The following SLC38A1 variants were observed in gnomAD, a reference collection of about 807,000 sequenced individuals.
SLC38A1 encodes sodium-coupled neutral amino acid symporter 1.
SLC38A1 carries 18 observed loss-of-function variants against 60.3 expected under a neutral mutation model. That is an observed-to-expected ratio of 0.30 (90% CI 0.21 to 0.44). The LOEUF (loss-of-function observed/expected upper bound fraction) is 0.44, where lower values mean the gene tolerates loss of function less well. Among genes scored for constraint, SLC38A1 ranks in the 20% least tolerant of loss-of-function variants. The pLI, the probability that SLC38A1 is intolerant of heterozygous loss-of-function variation, is 1.00. For missense variants in SLC38A1, 448 were observed against 587.2 expected, an observed-to-expected ratio of 0.76 and a Z score of 2.45; for synonymous variants, 196 against 212.1, an observed-to-expected ratio of 0.92 and a Z score of 0.66.
At chr12:46,196,405 C>T (rs539748075) in intron 16 of SLC38A1, 3 of 1,262,824 alleles carry the variant, frequency 2.4e-6, no homozygotes, top group Non-Finnish European at 3.2e-6. Flanking sequence ...GAAGACCCTA[C>T]TACTAGTTTC....
In SLC38A1 at chr12:46,239,458, G is replaced by A. The variant is rs112408276; in HGVS notation, c.122+221C>T. ...TCCTGCCTCAGCCTCCCAAGTAGCT[G>A]GGACTACAGGCATGCACCACATGCC... On this transcript the variant is annotated intron_variant, in intron 3 of 16. Coordinates refer to ENST00000398637, the MANE Select transcript of SLC38A1 (RefSeq NM_030674.4). 8.1e-4 allele frequency: 271 copies of A among 336,256 alleles called. 1 individual carries two copies. The highest frequency in any genetic ancestry group is 5.1e-3 in the African/African-American group (243 of 47,548). The allele number at this position is 336,256 out of a possible 1,614,324, so 20.8% of individuals were successfully genotyped here.
chr12:46,189,180 A>G (rs1048725549), intron 16 of SLC38A1, 109 bp from the exon 17 acceptor site: 1 of 720,884 alleles, frequency 1.4e-6, no homozygotes, highest in Non-Finnish European at 2.4e-6. Context: ...GTCCTCTGGT[A>G]TTCAGAGTTT....
At position 46,204,490 on chromosome 12, in the gene SLC38A1, T is replaced by C. The variant is rs1271494610; in HGVS notation, c.705+42A>G. Reference sequence around the variant, plus strand: ...AATGAATAATTATTACATGCCATTGTACTATCACAAAACCAAACCAACCAT... The same window carrying C: ...AATGAATAATTATTACATGCCATTGCACTATCACAAAACCAAACCAACCAT... On this transcript the variant is annotated intron_variant, in intron 10 of 16. Transcript: ENST00000398637. The C allele has an allele frequency of 3.1e-6, 5 of 1,600,264 alleles. No individual in the cohort carries two copies. In the South Asian group the frequency reaches 4.4e-5, roughly 14 times the overall value.
intron 13 of SLC38A1, 120 bp from the exon 14 acceptor site, chr12:46,198,863 T>C (rs886574970): frequency 3.0e-6 from 2 of 666,636 alleles, no homozygotes; most frequent in Admixed American, 5.2e-5. Flanking sequence ...TGTTTCGAAA[T>C]GTCTATTAAA....
At chr12:46,257,035 C>T (rs932836699) in intron 1 of SLC38A1, among the ~76,000 whole-genome samples, 16 of 152,158 alleles carry the variant, frequency 1.1e-4, no homozygotes, top group Admixed American at 3.9e-4. Flanking sequence ...AGGCGAAATG[C>T]TCAGGGAGGC....
intron 3 of SLC38A1, among the ~76,000 whole-genome samples, chr12:46,231,109 C>T (rs1039511805): frequency 4.7e-5 from 5 of 107,364 alleles, no homozygotes; most frequent in Admixed American, 2.3e-4. Context: ...CCACGGAATA[C>T]TATGTCACCA....
rs57661149 is a variant in SLC38A1 at position 46,187,782 on chromosome 12, G to GTTTTT, written c.*1183_*1187dup. On this transcript the variant is annotated 3_prime_UTR_variant, in exon 17 of 17. Transcript: ENST00000398637. ...CTCTTCACAAAGACTATCTCTGAGG[G>GTTTTT]TTTTTTTTTTTTTTTTTTCACAAGA... The GTTTTT allele has an allele frequency of 7.2e-6, 1 of 139,242 alleles. No individual in the cohort carries two copies. The highest frequency in any genetic ancestry group is 2.7e-5 in the African/African-American group (1 of 36,794). 8.6% of individuals were successfully genotyped at this position (139,242 alleles called of 1,614,324 possible). A position where few individuals can be genotyped will look rare whatever the true frequency, so the allele number is the denominator to read the frequency against.
chr12:46,229,452 C>A, intron 4 of SLC38A1, 112 bp downstream of exon 4: 1 of 874,474 alleles, frequency 1.1e-6, no homozygotes, highest in Non-Finnish European at 1.9e-6. Flanking sequence ...TGAGGAATAT[C>A]CTGGTGAATA....
At chr12:46,254,368 C>T (rs1941954435) in intron 1 of SLC38A1, among the ~76,000 whole-genome samples, 1 of 152,070 alleles carries the variant, frequency 6.6e-6, no homozygotes. Flanking sequence ...TCTCCAGTTT[C>T]CCATTTTTTA....
intron 1 of SLC38A1, chr12:46,267,113 T>A (rs1328269455): frequency 6.6e-6 from 1 of 152,258 alleles, no homozygotes; most frequent in African/African-American, 2.4e-5. Flanking sequence ...ACACCCTCGC[T>A]GGGCCCTGCA....
intron 12 of SLC38A1, among the ~76,000 whole-genome samples, chr12:46,202,473 C>T (rs1278623185): frequency 2.6e-5 from 4 of 152,064 alleles, no homozygotes; most frequent in African/African-American, 7.2e-5. Flanking sequence ...TTCTCAAAAC[C>T]AGCAATCAAA....
At chr12:46,262,217 GTC>G (rs1942219355) in intron 1 of SLC38A1, among the ~76,000 whole-genome samples, 1 of 152,088 alleles carries the variant, frequency 6.6e-6, no homozygotes, top group South Asian at 2.1e-4. Context: ...TCTTTTAAAT[GTC>G]TGTTATCAAC....
At chr12:46,192,565 C>CT (rs1277079835) in intron 16 of SLC38A1, among the ~76,000 whole-genome samples, 3 of 151,760 alleles carry the variant, frequency 2.0e-5, no homozygotes, top group Non-Finnish European at 4.4e-5. Context: ...TGGTCCTGGA[C>CT]TTTTTTTTGG....
chr12:46,211,070 C>T (rs1387404496), intron 5 of SLC38A1, among the ~76,000 whole-genome samples: 1 of 152,072 alleles, frequency 6.6e-6, no homozygotes, highest in Admixed American at 6.6e-5. Flanking sequence ...ATTTTTTTTC[C>T]CGTCAAGTAA....
chr12:46,210,578 A>G (rs11183396), intron 5 of SLC38A1, among the ~76,000 whole-genome samples: 11,903 of 152,266 alleles, frequency 0.078, 686 homozygotes, highest in Non-Finnish European at 0.12. Context: ...CTCACCTTGA[A>G]TTGTAACTCC....
chr12:46,200,933 G>T (rs992675781), intron 13 of SLC38A1, among the ~76,000 whole-genome samples, 165 bp downstream of exon 13: 2 of 152,190 alleles, frequency 1.3e-5, no homozygotes, highest in Non-Finnish European at 2.9e-5. Context: ...CAGTCTGCAT[G>T]AACATGAAAA....
intron 1 of SLC38A1, among the ~76,000 whole-genome samples, chr12:46,244,303 G>A (rs1050321678): frequency 1.3e-5 from 2 of 152,190 alleles, no homozygotes; most frequent in African/African-American, 4.8e-5. Flanking sequence ...GGAGAGAGAA[G>A]ACTTTCCTTG....
intron 1 of SLC38A1, among the ~76,000 whole-genome samples, chr12:46,260,207 C>T (rs1592159199): frequency 6.6e-6 from 1 of 152,190 alleles, no homozygotes; most frequent in East Asian, 1.9e-4. Context: ...TTCTTGGTCT[C>T]CTCTGCCAGA....
chr12:46,226,868 C>T (rs1940886896), intron 5 of SLC38A1, among the ~76,000 whole-genome samples: 1 of 152,074 alleles, frequency 6.6e-6, no homozygotes, highest in East Asian at 1.9e-4. Flanking sequence ...GATCCACCGG[C>T]CTCAGCCTCC....
Sources: allele counts gnomAD v4.1 joint callset (sites outside exome capture counted in the v4.1 genomes callset), GRCh38; gene constraint gnomAD v4.1.1; transcripts MANE v1.5; gene names NCBI Gene and HGNC (gene_info 2026-07-23, HGNC 2026-07-21).